The following PLXNA4 variants were observed in gnomAD, a reference collection of about 807,000 sequenced individuals.
PLXNA4 encodes plexin A4.
PLXNA4 carries 44 observed loss-of-function variants against 191.8 expected under a neutral mutation model. That is an observed-to-expected ratio of 0.23 (90% confidence interval 0.18 to 0.29). PLXNA4 has a LOEUF of 0.29. Among genes scored for constraint, PLXNA4 ranks in the 10% least tolerant of loss-of-function variants. The pLI, the probability that PLXNA4 is intolerant of heterozygous loss-of-function variation, is 1.00. For missense variants in PLXNA4, 1,800 were observed against 2,488.8 expected, an observed-to-expected ratio of 0.72 and a Z score of 5.89; for synonymous variants, 1,082 against 1,009.5, an observed-to-expected ratio of 1.07 and a Z score of -1.36.
intron 3 of PLXNA4, among the ~76,000 whole-genome samples, chr7:132,434,201 G>A (rs962013396): frequency 2.0e-5 from 3 of 152,148 alleles, no homozygotes; most frequent in African/African-American, 7.2e-5. Flanking sequence ...TGCCCTCACT[G>A]GCATCAGATT....
intron 3 of PLXNA4, among the ~76,000 whole-genome samples, chr7:132,428,111 A>AC (rs974530023): frequency 6.6e-6 from 1 of 152,112 alleles, no homozygotes; most frequent in Non-Finnish European, 1.5e-5. Flanking sequence ...GGCCCCATGT[A>AC]CCCCAAGTGC....
intron 2 of PLXNA4, among the ~76,000 whole-genome samples, chr7:132,636,659 C>G (rs747209788): frequency 3.9e-5 from 6 of 152,162 alleles, no homozygotes; most frequent in Non-Finnish European, 7.3e-5. Context: ...TCACGTAAAG[C>G]CTTGGAAGGT....
chr7:132,531,431 ATAT>A (rs762935779), intron 1 of PLXNA4, among the ~76,000 whole-genome samples: 10 of 152,248 alleles, frequency 6.6e-5, no homozygotes, highest in Non-Finnish European at 1.0e-4. Context: ...TATAAGGTAG[ATAT>A]TATTATGATC....
intron 24 of PLXNA4, among the ~76,000 whole-genome samples, chr7:132,162,859 G>A (rs150440034): frequency 5.0e-4 from 76 of 152,238 alleles, no homozygotes; most frequent in African/African-American, 1.7e-3. Context: ...TTCCCAGCCA[G>A]CAGGGATGGC....
chr7:132,260,786 A>G (rs1230317941), intron 4 of PLXNA4, among the ~76,000 whole-genome samples: 1 of 152,112 alleles, frequency 6.6e-6, no homozygotes, highest in African/African-American at 2.4e-5. Context: ...ACTCCTCTGT[A>G]TGATATCATA....
intron 4 of PLXNA4, among the ~76,000 whole-genome samples, chr7:132,295,471 T>G (rs1801041846): frequency 6.6e-6 from 1 of 152,182 alleles, no homozygotes; most frequent in Non-Finnish European, 1.5e-5. Flanking sequence ...GCAGACACAG[T>G]GTGCAACGTG....
chr7:132,288,817 C>T (rs1289900559), intron 4 of PLXNA4, among the ~76,000 whole-genome samples: 1 of 152,196 alleles, frequency 6.6e-6, no homozygotes, highest in African/African-American at 2.4e-5. Context: ...TGGCTGCAGA[C>T]AGTATCTCCA....
chr7:132,330,400 G>A lies in PLXNA4; in HGVS notation c.1372-32178C>T, dbSNP rs573867534. 3.9e-4 allele frequency among the ~76,000 whole-genome samples: 60 copies of A among 152,316 alleles called. 1 individual carries two copies. Among genetic ancestry groups the A allele is most frequent in the Non-Finnish European group, 6.8e-4 (46 of 68,026 alleles). ...ATTTCAAGCCTTTCCAGTAATCACT[G>A]AGTAAAATATAACCCGCTCACCAGT... On this transcript the variant is annotated intron_variant, in intron 3 of 31. Coordinates refer to ENST00000321063, the MANE Select transcript of PLXNA4 (RefSeq NM_020911.2).
At chr7:132,282,205 G>T (rs1440175283) in intron 4 of PLXNA4, among the ~76,000 whole-genome samples, 2 of 152,130 alleles carry the variant, frequency 1.3e-5, no homozygotes, top group Non-Finnish European at 2.9e-5. Flanking sequence ...ACAATGTGCA[G>T]GTTAGTTACA....
intron 4 of PLXNA4, among the ~76,000 whole-genome samples, chr7:132,296,333 T>C (rs947626027): frequency 4.6e-5 from 7 of 152,194 alleles, no homozygotes; most frequent in African/African-American, 1.7e-4. Flanking sequence ...AGGATTCAGA[T>C]GGGCACCTCC....
intron 4 of PLXNA4, among the ~76,000 whole-genome samples, chr7:132,276,022 TG>T (rs1800264532): frequency 6.6e-6 from 1 of 152,214 alleles, no homozygotes; most frequent in African/African-American, 2.4e-5. Flanking sequence ...GGCCCCTCCC[TG>T]CAACCCTTAG....
At chr7:132,311,335 C>T (rs986606741) in intron 3 of PLXNA4, among the ~76,000 whole-genome samples, 6 of 152,070 alleles carry the variant, frequency 3.9e-5, no homozygotes, top group Non-Finnish European at 8.8e-5. Context: ...TGGGCTCCAG[C>T]GGCACTTCCT....
chr7:132,547,327 G>C (rs1800351297), intron 1 of PLXNA4, among the ~76,000 whole-genome samples: 1 of 152,172 alleles, frequency 6.6e-6, no homozygotes, highest in Admixed American at 6.5e-5. Context: ...GGTGGGATGT[G>C]AATTGAACTT....
intron 1 of PLXNA4, among the ~76,000 whole-genome samples, chr7:132,511,720 G>T (rs990243222): frequency 1.5e-4 from 23 of 152,238 alleles, no homozygotes; most frequent in Non-Finnish European, 1.3e-4. Context: ...TTATGATAAT[G>T]AGATGGTTCC....
intron 4 of PLXNA4, among the ~76,000 whole-genome samples, chr7:132,289,616 T>C (rs1482917685): frequency 1.3e-5 from 2 of 151,952 alleles, no homozygotes; most frequent in African/African-American, 2.4e-5. Context: ...CATTGCAGCC[T>C]CAACCTCCTA....
In PLXNA4 at chr7:132,493,504, A is replaced by G. The variant is rs1344129652; in HGVS notation, c.1189-4030T>C. Among the ~76,000 whole-genome samples, 4 of 152,190 alleles carry G rather than the reference A, an allele frequency of 2.6e-5. No homozygotes were observed. In the East Asian group the frequency reaches 5.8e-4, roughly 22 times the overall value. On this transcript the variant is annotated intron_variant, in intron 2 of 31. Coordinates refer to ENST00000321063, the MANE Select transcript of PLXNA4 (RefSeq NM_020911.2). ...CCACACTCTCTGGGTCCCTATCCAG[A>G]GGACTCTGGATCTTTTTTCACTGGC... is the stretch of plus-strand genomic sequence containing the variant.
chr7:132,191,397 C>G (rs1270349645), intron 14 of PLXNA4, among the ~76,000 whole-genome samples: 1 of 152,124 alleles, frequency 6.6e-6, no homozygotes. Context: ...AGGATGCACT[C>G]TTTATGGGAG....
At chr7:132,481,994 T>C (rs1478251726) in intron 3 of PLXNA4, among the ~76,000 whole-genome samples, 1 of 152,204 alleles carries the variant, frequency 6.6e-6, no homozygotes, top group Non-Finnish European at 1.5e-5. Context: ...CCTGGGCCAC[T>C]GGTGTTCCTG....
intron 3 of PLXNA4, among the ~76,000 whole-genome samples, chr7:132,337,081 T>G (rs927227764): frequency 1.3e-5 from 2 of 152,226 alleles, no homozygotes; most frequent in African/African-American, 4.8e-5. Context: ...CACCGCGGTG[T>G]AATGTGCTGC....
Sources: gnomAD v4.1 joint callset for allele counts (sites outside exome capture counted in the v4.1 genomes callset) on GRCh38, gnomAD v4.1.1 for gene constraint, MANE v1.5 for transcripts, NCBI Gene and HGNC (gene_info 2026-07-23, HGNC 2026-07-21) for gene names.